SLC35F1: variants seen among roughly 807,000 people sequenced by gnomAD.
SLC35F1 encodes the protein chromosome 6 open reading frame 169.
Under a neutral mutation model 48.7 loss-of-function variants are expected in SLC35F1, and 14 were observed. The ratio of observed to expected loss-of-function variants is 0.29; its 90% CI spans 0.19 to 0.45. The LOEUF (loss-of-function observed/expected upper bound fraction) is 0.45, where lower values mean the gene tolerates loss of function less well. SLC35F1 is among the 20% of genes least tolerant of loss of function. The pLI is 1.00. For synonymous variants in SLC35F1, 190 were observed against 202.2 expected (o/e 0.94, Z 0.51); for missense variants, 404 against 500.0 (o/e 0.81, Z 1.83).
intron 1 of SLC35F1, among the ~76,000 whole-genome samples, chr6:117,971,525 T>C (rs1169564364): frequency 6.6e-6 from 1 of 152,210 alleles, no homozygotes; most frequent in Non-Finnish European, 1.5e-5. Flanking sequence ...AACCCAACAT[T>C]TCCCTTCTGC....
chr6:117,919,988 G>C (rs552618720), intron 1 of SLC35F1, among the ~76,000 whole-genome samples: 2 of 152,222 alleles, frequency 1.3e-5, no homozygotes, highest in Admixed American at 1.3e-4. Flanking sequence ...GGGATGGATA[G>C]AGCGGCTCAG....
At chr6:118,289,798 G>T (rs930354722) in intron 7 of SLC35F1, among the ~76,000 whole-genome samples, 2 of 152,140 alleles carry the variant, frequency 1.3e-5, no homozygotes, top group Non-Finnish European at 2.9e-5. Flanking sequence ...TTGGGAGCAG[G>T]TTTTTTAAAA....
chr6:118,234,172 G>A (rs1470081926), intron 2 of SLC35F1, among the ~76,000 whole-genome samples: 1 of 152,180 alleles, frequency 6.6e-6, no homozygotes, highest in Non-Finnish European at 1.5e-5. Context: ...GACTAAAGAT[G>A]TGTGTCACTG....
chr6:118,268,412 A>G (rs1367698165), intron 4 of SLC35F1, among the ~76,000 whole-genome samples: 2 of 151,960 alleles, frequency 1.3e-5, no homozygotes. Flanking sequence ...AGTGTTTCCC[A>G]GATTCTCTTC....
chr6:118,174,547 A>G (rs1303768808), intron 2 of SLC35F1, among the ~76,000 whole-genome samples: 3 of 152,168 alleles, frequency 2.0e-5, no homozygotes, highest in East Asian at 1.9e-4. Flanking sequence ...GGAATATCCA[A>G]GGTGTATGGG....
chr6:118,068,169 C>G (rs1562279778), intron 1 of SLC35F1, among the ~76,000 whole-genome samples: 2 of 152,054 alleles, frequency 1.3e-5, no homozygotes, highest in Non-Finnish European at 2.9e-5. Context: ...TGGTGCCCGC[C>G]CACAGTGAGG....
rs373554346 is a variant in SLC35F1 at position 118,216,578 on chromosome 6, G to C, written c.350-18931G>C. On this transcript the variant is annotated intron_variant, in intron 2 of 7. Coordinates refer to ENST00000360388, the MANE Select transcript of SLC35F1 (RefSeq NM_001029858.4). The stretch of plus-strand genomic sequence containing the variant: ...AGCCAGTCAGGAAATGGTTGAAATT[G>C]TGTCAGAGGCCTTATAGCAACTTAC... Among the ~76,000 whole-genome samples, 77 of 151,388 alleles carry C rather than the reference G, an allele frequency of 5.1e-4. No homozygotes were observed. In the South Asian group the frequency reaches 0.015, roughly 29 times the overall value.
chr6:118,167,701 G>C (rs1263965922), intron 2 of SLC35F1, among the ~76,000 whole-genome samples: 1 of 152,122 alleles, frequency 6.6e-6, no homozygotes, highest in Non-Finnish European at 1.5e-5. Context: ...AGACATTACT[G>C]TACCCTACTG....
chr6:118,134,011 A>G (rs1773756139), intron 1 of SLC35F1, among the ~76,000 whole-genome samples: 2 of 152,256 alleles, frequency 1.3e-5, no homozygotes, highest in South Asian at 4.1e-4. Flanking sequence ...GTCTGAATAT[A>G]AATGCCACAT....
At chr6:117,986,988 G>A (rs1285820988) in intron 1 of SLC35F1, among the ~76,000 whole-genome samples, 1 of 152,106 alleles carries the variant, frequency 6.6e-6, no homozygotes, top group Non-Finnish European at 1.5e-5. Flanking sequence ...AAATGCCTAG[G>A]GTACTAAGGA....
chr6:118,083,298 G>A (rs1483769320), intron 1 of SLC35F1, among the ~76,000 whole-genome samples: 2 of 152,112 alleles, frequency 1.3e-5, no homozygotes, highest in Non-Finnish European at 2.9e-5. Context: ...TACTAAAAAA[G>A]GCATTTTATA....
chr6:118,313,613 TTTATGGCTTCA>T (rs1197624774), intron 7 of SLC35F1, among the ~76,000 whole-genome samples: 7 of 152,338 alleles, frequency 4.6e-5, no homozygotes, highest in Non-Finnish European at 7.4e-5. Flanking sequence ...CGGTTCATTG[TTTATGGCTTCA>T]TTACAACCCT....
chr6:118,157,443 A>G (rs1774161691), intron 2 of SLC35F1, among the ~76,000 whole-genome samples: 1 of 152,154 alleles, frequency 6.6e-6, no homozygotes, highest in Non-Finnish European at 1.5e-5. Flanking sequence ...TATATATGAA[A>G]GGGAGTTTAT....
intron 1 of SLC35F1, among the ~76,000 whole-genome samples, chr6:117,997,528 T>C (rs997401569): frequency 1.3e-5 from 2 of 152,046 alleles, no homozygotes; most frequent in Admixed American, 1.3e-4. Context: ...CAGAGAGAAA[T>C]GTCAGGTTAC....
intron 3 of SLC35F1, among the ~76,000 whole-genome samples, chr6:118,259,754 A>G (rs1184042761): frequency 1.3e-5 from 2 of 152,030 alleles, no homozygotes; most frequent in Non-Finnish European, 2.9e-5. Flanking sequence ...AGAAACTAGA[A>G]CCCTTGTACA....
intron 1 of SLC35F1, among the ~76,000 whole-genome samples, chr6:118,078,557 A>G (rs886630092): frequency 2.6e-5 from 4 of 152,208 alleles, no homozygotes; most frequent in Non-Finnish European, 5.9e-5. Context: ...AATTTATACA[A>G]TTGATCTTAT....
At chr6:118,100,680 C>T (rs560948535) in intron 1 of SLC35F1, among the ~76,000 whole-genome samples, 1 of 152,266 alleles carries the variant, frequency 6.6e-6, no homozygotes, top group South Asian at 2.1e-4. Context: ...TCAACCAGGG[C>T]AGCTCACGTG....
In SLC35F1 at chr6:118,267,173, A is replaced by T. The variant is rs757740544; in HGVS notation, c.637+19A>T. The T allele has an allele frequency of 2.1e-5, 34 of 1,613,426 alleles. No homozygotes were observed. The South Asian group carries it at 3.5e-4, about 17-fold the overall frequency. ...GGAGCAGGTGAGTCTTCGGATGTTC[A>T]CCAGGTTCCTTACCTCTGCGGGTGA... On this transcript the variant is annotated intron_variant, in intron 4 of 7. Coordinates refer to ENST00000360388, the MANE Select transcript of SLC35F1 (RefSeq NM_001029858.4).
chr6:117,924,710 T>C (rs540985378), intron 1 of SLC35F1, among the ~76,000 whole-genome samples: 2 of 152,212 alleles, frequency 1.3e-5, no homozygotes, highest in South Asian at 4.1e-4. Context: ...GTTGCTTCAC[T>C]AAAGCAGGGT....
Sources: gnomAD v4.1 joint callset for allele counts (sites outside exome capture counted in the v4.1 genomes callset) on GRCh38, gnomAD v4.1.1 for gene constraint, MANE v1.5 for transcripts, NCBI Gene and HGNC (gene_info 2026-07-23, HGNC 2026-07-21) for gene names.